BRINP3: variants seen among roughly 807,000 people sequenced by gnomAD.
The protein encoded by BRINP3 is BMP/retinoic acid inducible neural specific 3, also known as BMP/retinoic acid-inducible neural-specific protein 3.
In BRINP3, 19 loss-of-function variants were observed where a neutral mutation model predicts 71.0. The ratio of observed to expected loss-of-function variants is 0.27; its 90% confidence interval spans 0.19 to 0.39. The LOEUF (loss-of-function observed/expected upper bound fraction) is 0.39. Among genes scored for constraint, BRINP3 ranks in the 10% least tolerant of loss-of-function variants. BRINP3 has a pLI of 1.00. For missense variants in BRINP3, 959 were observed against 940.8 expected (o/e 1.02, Z -0.25); for synonymous variants, 380 against 337.7 (o/e 1.13, Z -1.37).
At chr1:190,205,834 A>T (rs887824947) in intron 6 of BRINP3, among the ~76,000 whole-genome samples, 2 of 152,052 alleles carry the variant, frequency 1.3e-5, no homozygotes, top group African/African-American at 4.8e-5. Flanking sequence ...CGTAACAAAG[A>T]TAAACCCCAT....
chr1:190,370,662 T>C (rs1669801765), intron 2 of BRINP3, among the ~76,000 whole-genome samples: 1 of 152,216 alleles, frequency 6.6e-6, no homozygotes, highest in Non-Finnish European at 1.5e-5. Context: ...CTGGCTTGGC[T>C]AAGGTAAGGC....
At chr1:190,320,846 C>T (rs993799989) in intron 2 of BRINP3, among the ~76,000 whole-genome samples, 1 of 152,036 alleles carries the variant, frequency 6.6e-6, no homozygotes, top group Non-Finnish European at 1.5e-5. Flanking sequence ...AAACTCCACA[C>T]AGACAGTGGC....
chr1:190,209,318 T>C (rs1655785277), intron 6 of BRINP3, among the ~76,000 whole-genome samples: 1 of 152,156 alleles, frequency 6.6e-6, no homozygotes, highest in Non-Finnish European at 1.5e-5. Flanking sequence ...TGAGTGGCTC[T>C]GCTTTCCTTT....
intron 4 of BRINP3, among the ~76,000 whole-genome samples, chr1:190,239,537 CTTATG>C (rs1419438841): frequency 1.3e-5 from 2 of 152,066 alleles, no homozygotes; most frequent in Non-Finnish European, 2.9e-5. Context: ...AGGATAAATA[CTTATG>C]TTCTAGAAAT....
At position 190,202,105 on chromosome 1, in the gene BRINP3, T is replaced by A. The variant is rs547769539; in HGVS notation, c.961+23977A>T. ...CTCAATGCCAGCCCATGAAGACAGG[T>A]GGGAGGGAGACTGTACTCTTCAAAG... On this transcript the variant is annotated intron_variant, in intron 6 of 7. Transcript: ENST00000367462. 1.3e-4 allele frequency among the ~76,000 whole-genome samples: 19 copies of A among 151,338 alleles called. No homozygotes were observed. In the South Asian group the frequency reaches 3.9e-3, roughly 31 times the overall value.
chr1:190,277,836 A>G (rs1662718206), intron 3 of BRINP3, among the ~76,000 whole-genome samples: 1 of 151,778 alleles, frequency 6.6e-6, no homozygotes. Context: ...TATTTTAGAT[A>G]TTCAAACAGT....
intron 2 of BRINP3, among the ~76,000 whole-genome samples, chr1:190,352,285 A>G (rs912815441): frequency 3.9e-5 from 6 of 152,036 alleles, no homozygotes; most frequent in Admixed American, 3.9e-4. Context: ...GAATCAGTAA[A>G]CCTTAATCTG....
chr1:190,163,514 C>CA (rs1215455401), intron 6 of BRINP3, among the ~76,000 whole-genome samples: 1 of 151,914 alleles, frequency 6.6e-6, no homozygotes, highest in Admixed American at 6.6e-5. Context: ...TAACCAACTG[C>CA]AAAAACAATA....
intron 7 of BRINP3, among the ~76,000 whole-genome samples, chr1:190,147,147 A>G (rs1191573507): frequency 6.6e-6 from 1 of 151,966 alleles, no homozygotes; most frequent in Non-Finnish European, 1.5e-5. Flanking sequence ...CAGTTTTTTA[A>G]AATTATATTC....
intron 2 of BRINP3, among the ~76,000 whole-genome samples, chr1:190,421,421 A>T (rs1158006740): frequency 1.3e-5 from 2 of 150,968 alleles, no homozygotes; most frequent in African/African-American, 4.8e-5. Context: ...TTGAAGATGC[A>T]ATGTTTTAAA....
chr1:190,231,566 A>AG lies in BRINP3; in HGVS notation c.724+2805dup, dbSNP rs1241328009. 2.6e-5 allele frequency among the ~76,000 whole-genome samples: 4 copies of AG among 151,934 alleles called. No individual in the cohort carries two copies. In the East Asian group the frequency reaches 7.7e-4, roughly 29 times the overall value. On this transcript the variant is annotated intron_variant, in intron 5 of 7. Coordinates refer to ENST00000367462, the MANE Select transcript of BRINP3 (RefSeq NM_199051.3). ...TTATTCTGGTTATACTTTCACTCAG[A>AG]GGCACCTTGTTTGATGTGTTATACT...
chr1:190,258,744 T>G (rs544421604), intron 4 of BRINP3, among the ~76,000 whole-genome samples: 2 of 152,258 alleles, frequency 1.3e-5, no homozygotes, highest in Admixed American at 1.3e-4. Flanking sequence ...TTTTATCACA[T>G]AGAATATGAA....
chr1:190,455,451 ATG>A (rs1675921116), intron 1 of BRINP3, among the ~76,000 whole-genome samples: 1 of 152,122 alleles, frequency 6.6e-6, no homozygotes, highest in African/African-American at 2.4e-5. Flanking sequence ...AAATATATGT[ATG>A]TATATGTGTG....
At chr1:190,245,508 C>T (rs1659510091) in intron 4 of BRINP3, among the ~76,000 whole-genome samples, 1 of 151,944 alleles carries the variant, frequency 6.6e-6, no homozygotes, top group South Asian at 2.1e-4. Flanking sequence ...GCTGCCCACT[C>T]CCCCAGTTTT....
chr1:190,301,242 TAC>T (rs1664715978), intron 2 of BRINP3, among the ~76,000 whole-genome samples: 1 of 111,472 alleles, frequency 9.0e-6, no homozygotes, highest in Non-Finnish European at 1.7e-5. Flanking sequence ...TATACACACA[TAC>T]ATATATATAT....
At chr1:190,183,747 G>A (rs911837441) in intron 6 of BRINP3, among the ~76,000 whole-genome samples, 4 of 151,172 alleles carry the variant, frequency 2.6e-5, no homozygotes, top group African/African-American at 4.9e-5. Context: ...ATTACCACTC[G>A]GTGGGGATGA....
intron 4 of BRINP3, among the ~76,000 whole-genome samples, chr1:190,261,638 AT>A (rs1571553739): frequency 6.6e-6 from 1 of 152,060 alleles, no homozygotes; most frequent in African/African-American, 2.4e-5. Context: ...TGTTTACTTT[AT>A]TTTTTACCAA....
At position 190,460,474 on chromosome 1, in the gene BRINP3, ATAGTT is replaced by A. The variant is rs547436299; in HGVS notation, c.-50-5539_-50-5535del. 1.2e-3 allele frequency among the ~76,000 whole-genome samples: 181 copies of A among 152,252 alleles called. 1 individual carries two copies. Among genetic ancestry groups the A allele is most frequent in the African/African-American group, 4.2e-3 (175 of 41,578 alleles). Reference sequence around the variant, plus strand: ...ATAAATTTTCAATACTTTTTCCACTATAGTTTATTAATTGTTTCAATTCCAATTTG... The same window carrying A: ...ATAAATTTTCAATACTTTTTCCACTATATTAATTGTTTCAATTCCAATTTG... On this transcript the variant is annotated intron_variant, in intron 1 of 7. Coordinates refer to ENST00000367462, the MANE Select transcript of BRINP3 (RefSeq NM_199051.3).
chr1:190,212,646 T>C lies in BRINP3; in HGVS notation c.961+13436A>G, dbSNP rs545744495. ...CCTCCAGGCAATGTGAAGTGGCATT[T>C]CTCTGTTTCCTTTCAAATTAGATTT... On this transcript the variant is annotated intron_variant, in intron 6 of 7. Coordinates refer to ENST00000367462, the MANE Select transcript of BRINP3 (RefSeq NM_199051.3). Among the ~76,000 whole-genome samples the C allele has an allele frequency of 7.9e-5, 12 of 152,252 alleles. No individual in the cohort carries two copies. In the South Asian group the frequency reaches 2.3e-3, roughly 29 times the overall value.
Sources: allele counts gnomAD v4.1 joint callset (sites outside exome capture counted in the v4.1 genomes callset), GRCh38; gene constraint gnomAD v4.1.1; transcripts MANE v1.5; gene names NCBI Gene and HGNC (gene_info 2026-07-23, HGNC 2026-07-21).